The following RALB variants were observed in gnomAD, a reference collection of about 807,000 sequenced individuals.
RALB encodes the protein ras-related protein Ral-B.
RALB carries 16 observed loss-of-function variants against 21.3 expected under a neutral mutation model. The observed-to-expected ratio is 0.75, with a 90% confidence interval of 0.51 to 1.14. The LOEUF is 1.14. Among genes scored for constraint, RALB ranks in the 50% most tolerant of loss-of-function variants. The pLI is 0.00. For synonymous variants in RALB, 93 were observed against 96.1 expected, an observed-to-expected ratio of 0.97 and a Z score of 0.19; for missense variants, 161 against 256.2, an observed-to-expected ratio of 0.63 and a Z score of 2.54.
At chr2:120,271,720 C>G in intron 1 of RALB, among the ~76,000 whole-genome samples, 1 of 152,348 alleles carries the variant, frequency 6.6e-6, no homozygotes, top group Middle Eastern at 3.4e-3. Context: ...CTCCCATCTG[C>G]TGAATGGACT....
intron 1 of RALB, among the ~76,000 whole-genome samples, chr2:120,270,515 A>G (rs1689635922): frequency 6.6e-6 from 1 of 152,246 alleles, no homozygotes; most frequent in African/African-American, 2.4e-5. Flanking sequence ...AAGGGCTGAA[A>G]AATGCAGAAA....
intron 1 of RALB, among the ~76,000 whole-genome samples, 168 bp downstream of exon 1, chr2:120,253,148 C>CCCGCT (rs1453692623): frequency 6.6e-6 from 1 of 152,136 alleles, no homozygotes; most frequent in Admixed American, 6.5e-5. Flanking sequence ...CGGCAGCGGC[C>CCCGCT]CCGCTCCGCT....
chr2:120,286,460 G>A (rs1255127722), intron 3 of RALB, among the ~76,000 whole-genome samples: 1 of 152,134 alleles, frequency 6.6e-6, no homozygotes, highest in African/African-American at 2.4e-5. Context: ...AAAGTAGCAG[G>A]TTTAGTCTGT....
At chr2:120,240,179 T>G (rs1688869068) in intron 1 of RALB, 7 of 1,287,894 alleles carry the variant, frequency 5.4e-6, no homozygotes, top group Non-Finnish European at 7.1e-6. Context: ...AGTGACCTTG[T>G]GACTTGCCTG....
intron 1 of RALB, among the ~76,000 whole-genome samples, chr2:120,258,011 T>G (rs1286877689): frequency 6.6e-6 from 1 of 152,244 alleles, no homozygotes; most frequent in Non-Finnish European, 1.5e-5. Context: ...TGTGCATTGT[T>G]GTCTCCTTAG....
chr2:120,294,050 G>C lies in RALB; in HGVS notation c.*790G>C, dbSNP rs1690367791. ...TTGCCACTTGTGTAGATATTTTTAA[G>C]TTCTTTGGCTAAGTCCTCTCCTAAC... is the stretch of plus-strand genomic sequence containing the variant. On this transcript the variant is annotated 3_prime_UTR_variant, in exon 5 of 5. Coordinates refer to ENST00000272519, the MANE Select transcript of RALB (RefSeq NM_002881.3). 1 of 397,520 alleles carries C rather than the reference G, an allele frequency of 2.5e-6. No homozygotes were observed. The highest frequency in any genetic ancestry group is 1.4e-4 in the South Asian group (1 of 7,390). The allele number at this position is 397,520 out of a possible 1,614,324, so 24.6% of individuals were successfully genotyped here. A position where few individuals can be genotyped will look rare whatever the true frequency, so the allele number is the denominator to read the frequency against.
chr2:120,281,633 T>G (rs959651535), intron 2 of RALB, among the ~76,000 whole-genome samples: 5 of 152,218 alleles, frequency 3.3e-5, no homozygotes, highest in Admixed American at 3.3e-4. Flanking sequence ...TTTATCTTAT[T>G]CTGGGGGGTC....
chr2:120,245,986 C>A (rs1479922363), intron 1 of RALB, among the ~76,000 whole-genome samples: 1 of 152,214 alleles, frequency 6.6e-6, no homozygotes, highest in African/African-American at 2.4e-5. Context: ...GTCTTACCTC[C>A]TGGTGGAGCG....
At chr2:120,242,594 C>T (rs1234923662) in intron 1 of RALB, among the ~76,000 whole-genome samples, 3 of 151,890 alleles carry the variant, frequency 2.0e-5, no homozygotes, top group Admixed American at 6.6e-5. Flanking sequence ...CAAAATTAGC[C>T]GGGCGTGGTG....
At chr2:120,259,240 G>A (rs1381972229) in intron 1 of RALB, among the ~76,000 whole-genome samples, 1 of 152,258 alleles carries the variant, frequency 6.6e-6, no homozygotes, top group Non-Finnish European at 1.5e-5. Context: ...GGCTCGGGCA[G>A]CCTGCTTTTA....
intron 1 of RALB, among the ~76,000 whole-genome samples, chr2:120,277,642 A>C (rs556240061): frequency 6.9e-6 from 1 of 144,358 alleles, no homozygotes; most frequent in Non-Finnish European, 1.5e-5. Flanking sequence ...GTACATGAGC[A>C]CAAATTTGAA....
At chr2:120,241,097 A>G (rs990355330) in intron 1 of RALB, among the ~76,000 whole-genome samples, 5 of 152,212 alleles carry the variant, frequency 3.3e-5, no homozygotes, top group Admixed American at 6.5e-5. Context: ...ACCAGCAGAA[A>G]GCCACAAGGC....
intron 2 of RALB, among the ~76,000 whole-genome samples, chr2:120,284,143 C>T (rs1348417727): frequency 6.6e-6 from 1 of 152,086 alleles, no homozygotes; most frequent in Non-Finnish European, 1.5e-5. Flanking sequence ...CACTTGAAAG[C>T]ACAGGCAAGT....
At chr2:120,286,620 C>A (rs1690165270) in intron 3 of RALB, among the ~76,000 whole-genome samples, 1 of 152,184 alleles carries the variant, frequency 6.6e-6, no homozygotes, top group Non-Finnish European at 1.5e-5. Context: ...TTGCCGCTCA[C>A]TGACCATGGG....
intron 1 of RALB, chr2:120,253,372 C>G (rs1573320403): frequency 1.0e-6 from 1 of 985,244 alleles, no homozygotes; most frequent in Non-Finnish European, 1.2e-6. Flanking sequence ...GGAAGTGTTG[C>G]AAAAACTTAA....
intron 2 of RALB, among the ~76,000 whole-genome samples, chr2:120,283,310 G>A (rs1690043145): frequency 1.3e-5 from 2 of 152,122 alleles, no homozygotes; most frequent in Non-Finnish European, 2.9e-5. Flanking sequence ...ATCAGGTATC[G>A]TTAGTGTTAG....
At chr2:120,289,844 A>G (rs1217813228) in intron 4 of RALB, 87 bp downstream of exon 4, 27 of 1,276,148 alleles carry the variant, frequency 2.1e-5, no homozygotes, top group East Asian at 1.9e-4. Flanking sequence ...TTAGGGAACC[A>G]TTTATGAAAA....
At chr2:120,277,722 T>C (rs1689855740) in intron 1 of RALB, among the ~76,000 whole-genome samples, 1 of 151,854 alleles carries the variant, frequency 6.6e-6, no homozygotes, top group South Asian at 2.1e-4. Context: ...ATAGTGCGTG[T>C]GTGATAGTGT....
chr2:120,278,374 T>C (rs766338054), intron 1 of RALB, among the ~76,000 whole-genome samples: 6 of 152,132 alleles, frequency 3.9e-5, no homozygotes, highest in Non-Finnish European at 1.5e-5. Context: ...CCCTGCCCAG[T>C]GAGGCGGGCG....
Sources: gnomAD v4.1 joint callset for allele counts (sites outside exome capture counted in the v4.1 genomes callset) on GRCh38, gnomAD v4.1.1 for gene constraint, MANE v1.5 for transcripts, NCBI Gene and HGNC (gene_info 2026-07-23, HGNC 2026-07-21) for gene names.